DLG2: variants seen among roughly 807,000 people sequenced by gnomAD.
DLG2 encodes the protein disks large homolog 2.
DLG2 carries 45 observed loss-of-function variants against 132.5 expected under a neutral mutation model. That is an observed-to-expected ratio of 0.34 (90% CI 0.27 to 0.44). The LOEUF (loss-of-function observed/expected upper bound fraction) is 0.44, where lower values mean the gene tolerates loss of function less well. Ranked by LOEUF, DLG2 falls within the 20% of genes least tolerant of loss-of-function variation. The pLI is 1.00. For synonymous variants in DLG2, 424 were observed against 419.6 expected (o/e 1.01, Z -0.13); for missense variants, 1,045 against 1,196.9 (o/e 0.87, Z 1.87).
At chr11:84,734,564 C>A (rs144900753) in intron 6 of DLG2, among the ~76,000 whole-genome samples, 2,742 of 152,090 alleles carry the variant, frequency 0.018, 77 homozygotes, top group African/African-American at 0.061. Context: ...TTCTAGATAT[C>A]CAATCATGTC....
At chr11:83,944,586 A>G (rs1267788266) in intron 14 of DLG2, among the ~76,000 whole-genome samples, 1 of 152,226 alleles carries the variant, frequency 6.6e-6, no homozygotes, top group Non-Finnish European at 1.5e-5. Flanking sequence ...GAATAACAGA[A>G]CTAGATGGAA....
chr11:84,720,433 G>A (rs2061677675), intron 6 of DLG2: 3 of 985,296 alleles, frequency 3.0e-6, no homozygotes, highest in African/African-American at 1.7e-5. Context: ...CTCGCTGGGG[G>A]ACCCAAACGC....
rs370742534 is a variant in DLG2, at chr11:83,471,642, A to G, written c.2430T>C (p.Phe810=). The G allele has an allele frequency of 1.9e-5, 31 of 1,613,122 alleles. No individual in the cohort carries two copies. The African/African-American group carries it at 3.1e-4, about 16-fold the overall frequency. Residue 810 remains phenylalanine, a synonymous_variant, in exon 24 of 28, where the codon TTT becomes TTC. Transcript: ENST00000376104. ...GACACTTACGAGGCACACAGGAGCC[A>G]AATTTATCAGGGAATTCAGATATCA... ...DDLISEFPDK[F]GSCVPHTTRP... is the part of the protein sequence containing the mutation.
intron 6 of DLG2, among the ~76,000 whole-genome samples, chr11:84,571,860 C>T (rs907081024): frequency 6.6e-6 from 1 of 152,026 alleles, no homozygotes; most frequent in Non-Finnish European, 1.5e-5. Context: ...AAAATGAGAA[C>T]ATTTGGGGTT....
At chr11:83,938,258 C>T (rs1456127969) in intron 14 of DLG2, among the ~76,000 whole-genome samples, 1 of 152,068 alleles carries the variant, frequency 6.6e-6, no homozygotes, top group African/African-American at 2.4e-5. Flanking sequence ...AGTGAAAGCA[C>T]CTAATTCTCT....
At chr11:85,421,869 A>G (rs1048707337) in intron 3 of DLG2, among the ~76,000 whole-genome samples, 2 of 152,076 alleles carry the variant, frequency 1.3e-5, no homozygotes, top group Admixed American at 1.3e-4. Context: ...CAGTTTTTGC[A>G]GTGGTGGGTC....
At chr11:83,513,492 G>A (rs1274330921) in intron 21 of DLG2, among the ~76,000 whole-genome samples, 2 of 152,194 alleles carry the variant, frequency 1.3e-5, no homozygotes, top group Non-Finnish European at 2.9e-5. Context: ...TGTTCACTCT[G>A]ATGGTAGTTT....
In DLG2 at chr11:85,607,789, G is replaced by C. The variant is rs144900087; in HGVS notation, c.-92-9001C>G. ...AATTGTATCCTTCCTATTCATATAA[G>C]TGAAGATAAAAGGCATCAGTCTTCC... On this transcript the variant is annotated intron_variant, in intron 2 of 27. Coordinates refer to ENST00000376104, the MANE Select transcript of DLG2 (RefSeq NM_001142699.3). Among the ~76,000 whole-genome samples, 780 of 152,272 alleles carry C rather than the reference G, an allele frequency of 5.1e-3. 17 individuals carry two copies. The highest frequency in any genetic ancestry group is 0.018 in the African/African-American group (756 of 41,536).
At chr11:84,669,315 A>G (rs1228022863) in intron 6 of DLG2, among the ~76,000 whole-genome samples, 1 of 152,142 alleles carries the variant, frequency 6.6e-6, no homozygotes, top group East Asian at 1.9e-4. Flanking sequence ...CAAGGATGGA[A>G]GTGTCCAGAT....
At chr11:84,042,499 AT>A (rs1274004508) in intron 11 of DLG2, among the ~76,000 whole-genome samples, 4 of 151,804 alleles carry the variant, frequency 2.6e-5, no homozygotes, top group African/African-American at 7.2e-5. Flanking sequence ...AAAAATTGAA[AT>A]TTTTTGATGT....
intron 6 of DLG2, among the ~76,000 whole-genome samples, chr11:84,582,300 A>AAT (rs374771165): frequency 4.0e-5 from 6 of 150,236 alleles, no homozygotes; most frequent in Admixed American, 6.7e-5. Flanking sequence ...GAAGGTGGCG[A>AAT]ATATATATAT....
intron 8 of DLG2, among the ~76,000 whole-genome samples, chr11:84,230,422 T>C (rs954268609): frequency 1.3e-5 from 2 of 152,228 alleles, no homozygotes; most frequent in African/African-American, 4.8e-5. Context: ...TGCCGCATGA[T>C]ATTTGTTATG....
At chr11:85,309,923 T>G (rs925463194) in intron 3 of DLG2, among the ~76,000 whole-genome samples, 36 of 152,162 alleles carry the variant, frequency 2.4e-4, no homozygotes, top group African/African-American at 7.7e-4. Context: ...GGGTCAGGAT[T>G]TTGCTTTCTG....
intron 6 of DLG2, among the ~76,000 whole-genome samples, chr11:84,939,370 A>G (rs1228096476): frequency 2.0e-5 from 3 of 152,196 alleles, no homozygotes; most frequent in Non-Finnish European, 4.4e-5. Flanking sequence ...GGTATCTATC[A>G]CCTCAAGGAT....
At chr11:83,641,370 G>A (rs1328223292) in intron 18 of DLG2, among the ~76,000 whole-genome samples, 1 of 152,142 alleles carries the variant, frequency 6.6e-6, no homozygotes, top group Non-Finnish European at 1.5e-5. Context: ...GCAATGCTTT[G>A]TCAACATTCT....
chr11:84,511,876 C>T (rs1365612138), intron 7 of DLG2, among the ~76,000 whole-genome samples: 1 of 152,084 alleles, frequency 6.6e-6, no homozygotes, highest in Admixed American at 6.6e-5. Flanking sequence ...AGATTTAAAA[C>T]AATATATCTG....
intron 6 of DLG2, among the ~76,000 whole-genome samples, chr11:84,562,275 A>G (rs1438440225): frequency 6.6e-6 from 1 of 152,162 alleles, no homozygotes; most frequent in African/African-American, 2.4e-5. Flanking sequence ...AGCATTTTCT[A>G]TGACTGCCTA....
intron 26 of DLG2, among the ~76,000 whole-genome samples, chr11:83,464,581 T>G (rs549256171): frequency 2.8e-4 from 43 of 152,378 alleles, no homozygotes; most frequent in Middle Eastern, 6.8e-3. Flanking sequence ...TTCACTGTCC[T>G]TATTGTGAAG....
intron 7 of DLG2, among the ~76,000 whole-genome samples, 164 bp downstream of exon 7, chr11:84,534,406 A>G (rs2099350473): frequency 6.6e-6 from 1 of 152,222 alleles, no homozygotes; most frequent in Admixed American, 6.5e-5. Context: ...ATGTCCCAAA[A>G]ATACAAGGTG....
Sources: allele counts gnomAD v4.1 joint callset (sites outside exome capture counted in the v4.1 genomes callset), GRCh38; gene constraint gnomAD v4.1.1; transcripts MANE v1.5; gene names NCBI Gene and HGNC (gene_info 2026-07-23, HGNC 2026-07-21).